RAB27A: variants seen among roughly 807,000 people sequenced by gnomAD.
RAB27A encodes ras-related protein Rab-27A.
A neutral mutation model predicts 20.8 loss-of-function variants in RAB27A; 17 were observed. The ratio of observed to expected loss-of-function variants is 0.82; its 90% CI spans 0.56 to 1.23. The LOEUF is 1.23. Among genes scored for constraint, RAB27A ranks in the 50% most tolerant of loss-of-function variants. The pLI, the probability that RAB27A is intolerant of heterozygous loss-of-function variation, is 0.00. For missense variants in RAB27A, 277 were observed against 266.7 expected (o/e 1.04, Z -0.27); for synonymous variants, 85 against 92.8 (o/e 0.92, Z 0.48).
intron 1 of RAB27A, among the ~76,000 whole-genome samples, chr15:55,280,067 C>T (rs1897974511): frequency 6.6e-6 from 1 of 152,154 alleles, no homozygotes; most frequent in South Asian, 2.1e-4. Context: ...TGGTCCTAAT[C>T]TGACACTTTG....
Position 55,206,442 on chromosome 15 carries a change from A to T in RAB27A, c.468-737T>A, listed in dbSNP as rs79283183. The T allele has an allele frequency of 4.3e-5, 7 of 160,938 alleles. No individual in the cohort carries two copies. In the East Asian group the frequency reaches 1.3e-3, roughly 31 times the overall value. The allele number at this position is 160,938 out of a possible 1,614,324, so 10.0% of individuals were successfully genotyped here. The stretch of plus-strand genomic sequence containing the variant: ...TCAGTTCCCAGGCGACTTCCCAGGC[A>T]TCGATCCTCCTACCTCAGCTTTCCA... On this transcript the variant is annotated intron_variant, in intron 6 of 6. Coordinates refer to ENST00000336787, the MANE Select transcript of RAB27A (RefSeq NM_183235.3).
At chr15:55,316,091 G>A (rs1479108558) in intron 1 of RAB27A, among the ~76,000 whole-genome samples, 1 of 152,094 alleles carries the variant, frequency 6.6e-6, no homozygotes, top group Non-Finnish European at 1.5e-5. Flanking sequence ...CATTAGCTAG[G>A]TGTGGTGGTG....
In RAB27A at chr15:55,311,978, G is replaced by A. The variant is rs184608607; in HGVS notation, c.-112+2061C>T. On this transcript the variant is annotated intron_variant, in intron 2 of 5. Transcript: ENST00000563262. ...TCTGACCTGGGGTTCTTGGCCTCAC[G>A]GATTCCAAGGAATGGAATCTTGGGC... is the stretch of plus-strand genomic sequence containing the variant. 1.0e-3 allele frequency among the ~76,000 whole-genome samples: 156 copies of A among 152,254 alleles called. 3 individuals carry two copies. The highest frequency in any genetic ancestry group is 3.3e-3 in the African/African-American group (138 of 41,556).
chr15:55,250,057 G>A (rs1896830439), intron 2 of RAB27A, among the ~76,000 whole-genome samples: 1 of 151,986 alleles, frequency 6.6e-6, no homozygotes, highest in African/African-American at 2.4e-5. Flanking sequence ...CCACCTCCCG[G>A]GTTTAAGCAA....
intron 2 of RAB27A, among the ~76,000 whole-genome samples, chr15:55,300,422 G>C (rs1450166200): frequency 6.6e-6 from 1 of 152,106 alleles, no homozygotes; most frequent in African/African-American, 2.4e-5. Context: ...GCTCACACCT[G>C]TAATTTCAGC....
At chr15:55,241,828 A>G (rs1303003358) in intron 2 of RAB27A, among the ~76,000 whole-genome samples, 1 of 151,746 alleles carries the variant, frequency 6.6e-6, no homozygotes, top group Admixed American at 6.6e-5. Flanking sequence ...TATTTAATAA[A>G]TAAAAATAAC....
chr15:55,208,103 GA>G (rs566860947), intron 6 of RAB27A, among the ~76,000 whole-genome samples: 147 of 152,242 alleles, frequency 9.7e-4, no homozygotes, highest in African/African-American at 3.4e-3. Flanking sequence ...TTGTAATAGG[GA>G]AAAAATTTAC....
intron 1 of RAB27A, among the ~76,000 whole-genome samples, chr15:55,316,493 C>T (rs2055044708): frequency 6.6e-6 from 1 of 151,382 alleles, no homozygotes; most frequent in Non-Finnish European, 1.5e-5. Flanking sequence ...GGGCTTAAAA[C>T]CTAGATGACG....
chr15:55,288,112 T>A (rs1180623652), intron 1 of RAB27A, among the ~76,000 whole-genome samples: 1 of 152,168 alleles, frequency 6.6e-6, no homozygotes, highest in African/African-American at 2.4e-5. Context: ...GGTCAAAGAA[T>A]GAAATGTAAG....
intron 1 of RAB27A, among the ~76,000 whole-genome samples, chr15:55,273,288 G>T (rs189248968): frequency 6.6e-6 from 1 of 151,412 alleles, no homozygotes; most frequent in Non-Finnish European, 1.5e-5. Context: ...GGGCACCTGT[G>T]ATCCCAGCTA....
intron 5 of RAB27A, among the ~76,000 whole-genome samples, chr15:55,226,695 C>T (rs1763351635): frequency 6.6e-6 from 1 of 151,304 alleles, no homozygotes; most frequent in Non-Finnish European, 1.5e-5. Context: ...TGGGTGAAAC[C>T]CCATCTCTAC....
intron 2 of RAB27A, among the ~76,000 whole-genome samples, chr15:55,295,844 T>G (rs2054946175): frequency 6.6e-6 from 1 of 151,942 alleles, no homozygotes; most frequent in East Asian, 1.9e-4. Context: ...TGGCCAAGAC[T>G]AATTTTTTGT....
intron 6 of RAB27A, among the ~76,000 whole-genome samples, chr15:55,223,180 T>A (rs1420313469): frequency 6.6e-6 from 1 of 152,118 alleles, no homozygotes; most frequent in Non-Finnish European, 1.5e-5. Context: ...TATGCTAGCA[T>A]TCTCTACAAT....
chr15:55,226,534 T>C (rs532577774), intron 5 of RAB27A, among the ~76,000 whole-genome samples: 1 of 150,054 alleles, frequency 6.7e-6, no homozygotes, highest in Non-Finnish European at 1.5e-5. Context: ...TGTGTGTGTG[T>C]GAGTGTGTAT....
intron 1 of RAB27A, among the ~76,000 whole-genome samples, chr15:55,279,217 T>C (rs1897952696): frequency 6.6e-6 from 1 of 152,090 alleles, no homozygotes; most frequent in Non-Finnish European, 1.5e-5. Context: ...TTCTATTTCT[T>C]CTCCACCCAG....
upstream of RAB27A, among the ~76,000 whole-genome samples, chr15:55,291,277 G>A (rs1345697847): frequency 6.6e-6 from 1 of 152,116 alleles, no homozygotes; most frequent in African/African-American, 2.4e-5. Flanking sequence ...TTGGGAGCCC[G>A]AGGCCGGCAG....
intron 2 of RAB27A, among the ~76,000 whole-genome samples, chr15:55,297,640 ACTGGAACAGC>A (rs2054955040): frequency 2.0e-5 from 3 of 152,080 alleles, no homozygotes; most frequent in African/African-American, 7.2e-5. Flanking sequence ...ATTTGCATTG[ACTGGAACAGC>A]CAGTTTATGA....
At chr15:55,260,702 T>C (rs147400718) in intron 2 of RAB27A, among the ~76,000 whole-genome samples, 17 of 152,304 alleles carry the variant, frequency 1.1e-4, no homozygotes, top group Admixed American at 1.1e-3. Flanking sequence ...ATTCCAACTA[T>C]GTGGCATTCT....
chr15:55,235,148 T>C (rs887579304), intron 2 of RAB27A, among the ~76,000 whole-genome samples, 192 bp from the exon 3 acceptor site: 2 of 152,182 alleles, frequency 1.3e-5, no homozygotes, highest in African/African-American at 4.8e-5. Context: ...TGAGAAGCTA[T>C]TGAAATAGTA....
Sources: allele counts gnomAD v4.1 joint callset (sites outside exome capture counted in the v4.1 genomes callset), GRCh38; gene constraint gnomAD v4.1.1; transcripts MANE v1.5; gene names NCBI Gene and HGNC (gene_info 2026-07-23, HGNC 2026-07-21).